GAP43: variants seen among roughly 807,000 people sequenced by gnomAD.
GAP43 encodes neuromodulin.
In GAP43, 6 loss-of-function variants were observed where a neutral mutation model predicts 18.6. The ratio of observed to expected loss-of-function variants is 0.32; its 90% CI spans 0.18 to 0.64. GAP43 has a LOEUF of 0.64. Ranked by LOEUF, GAP43 falls within the 30% of genes least tolerant of loss-of-function variation. The pLI is 0.78. For synonymous variants in GAP43, 115 were observed against 111.4 expected (o/e 1.03, Z -0.20); for missense variants, 292 against 295.5 (o/e 0.99, Z 0.09).
At chr3:115,624,035 G>C (rs1316119832) in intron 1 of GAP43, among the ~76,000 whole-genome samples, 1 of 152,032 alleles carries the variant, frequency 6.6e-6, no homozygotes, top group Admixed American at 6.6e-5. Flanking sequence ...CGTAGAAAGG[G>C]GTGTGGGGGA....
At chr3:115,703,547 G>A (rs1212185706) in intron 2 of GAP43, among the ~76,000 whole-genome samples, 1 of 152,026 alleles carries the variant, frequency 6.6e-6, no homozygotes, top group Non-Finnish European at 1.5e-5. Context: ...AATGCTAGAG[G>A]ATCTCCACAG....
At chr3:115,626,317 A>T (rs1298656861) in intron 1 of GAP43, among the ~76,000 whole-genome samples, 1 of 152,190 alleles carries the variant, frequency 6.6e-6, no homozygotes, top group Non-Finnish European at 1.5e-5. Context: ...AGGGGGGCTG[A>T]AGGGCTTGCA....
intron 2 of GAP43, among the ~76,000 whole-genome samples, chr3:115,714,603 G>GA (rs1202550888): frequency 6.6e-6 from 1 of 151,574 alleles, no homozygotes; most frequent in Non-Finnish European, 1.5e-5. Context: ...TGTTCCATTT[G>GA]AAAAATTTGT....
chr3:115,676,111 T>C lies in GAP43; in HGVS notation c.129T>C (p.Arg43=). The part of the protein sequence containing the change: ...KAATKIQASF[R]GHITRKKLKG... Reference sequence around the variant, plus strand: ...CAACCAAAATTCAGGCTAGCTTCCGTGGACACATAACAAGGAAAAAGCTCA... The same window carrying C: ...CAACCAAAATTCAGGCTAGCTTCCGCGGACACATAACAAGGAAAAAGCTCA... The change falls in exon 2 of 3, where the codon CGT becomes CGC. Residue 43 remains arginine (R), a synonymous_variant. Coordinates refer to ENST00000305124, the MANE Select transcript of GAP43 (RefSeq NM_002045.4). 6.2e-7 allele frequency: 1 copy of C among 1,614,134 alleles called. No homozygotes were observed. Among genetic ancestry groups the C allele is most frequent in the South Asian group, 1.1e-5 (1 of 91,078 alleles).
intron 2 of GAP43, among the ~76,000 whole-genome samples, chr3:115,698,125 A>G (rs1317245389): frequency 1.0e-4 from 1 of 9,602 alleles, no homozygotes; most frequent in Non-Finnish European, 5.5e-4. Flanking sequence ...AATATATATT[A>G]TATATAATAT....
At chr3:115,688,462 CTCTA>C (rs143135881) in intron 2 of GAP43, among the ~76,000 whole-genome samples, 22,576 of 152,048 alleles carry the variant, frequency 0.15, 1,928 homozygotes, top group East Asian at 0.34. Context: ...ATTTAAAAAA[CTCTA>C]TCTATACAAT....
rs1375525242 is a variant in GAP43, at chr3:115,644,702, T to A, written c.30+20983T>A. On this transcript the variant is annotated intron_variant, in intron 1 of 2. Transcript: ENST00000305124. The surrounding 1 kb of genome is among the most constrained non-coding windows in gnomAD (Gnocchi z 4.2). ...AGTGATTTATAAATAGAGAAATTTTTAAAAATGAATCTCTGAAAACATTCC... is the reference window on the plus strand; with the variant it reads ...AGTGATTTATAAATAGAGAAATTTTAAAAAATGAATCTCTGAAAACATTCC... Among the ~76,000 whole-genome samples, 1 of 152,082 alleles carries A rather than the reference T, an allele frequency of 6.6e-6. No homozygotes were observed. The highest frequency in any genetic ancestry group is 1.5e-5 in the Non-Finnish European group (1 of 67,982).
At chr3:115,645,025 C>A (rs981503292) in intron 1 of GAP43, among the ~76,000 whole-genome samples, 2 of 151,920 alleles carry the variant, frequency 1.3e-5, no homozygotes, top group Admixed American at 6.6e-5. Flanking sequence ...TTAAAATGTA[C>A]GTATTGTTGG....
intron 2 of GAP43, among the ~76,000 whole-genome samples, chr3:115,683,143 G>GCACACACACACACACA (rs1263644111): frequency 7.9e-6 from 1 of 126,044 alleles, no homozygotes; most frequent in Non-Finnish European, 1.7e-5. Context: ...GTGCGCGCGC[G>GCACACACACACACACA]CGCGCACACA....
chr3:115,647,442 C>T (rs974864417), intron 1 of GAP43, among the ~76,000 whole-genome samples: 1 of 151,850 alleles, frequency 6.6e-6, no homozygotes, highest in Non-Finnish European at 1.5e-5. Context: ...ATAACCCTCA[C>T]AAAAATAACA....
chr3:115,714,300 A>C (rs891563540), intron 2 of GAP43, among the ~76,000 whole-genome samples: 2 of 152,200 alleles, frequency 1.3e-5, no homozygotes, highest in African/African-American at 4.8e-5. Flanking sequence ...TTAACACAGA[A>C]ATGACAAAAT....
intron 2 of GAP43, among the ~76,000 whole-genome samples, chr3:115,698,107 A>T (rs1352865520): frequency 2.4e-4 from 9 of 38,252 alleles, no homozygotes; most frequent in South Asian, 7.5e-4. Context: ...ATAATATATA[A>T]AATATATAAT....
intron 2 of GAP43, among the ~76,000 whole-genome samples, chr3:115,699,244 A>T (rs1209430292): frequency 6.6e-6 from 1 of 152,176 alleles, no homozygotes; most frequent in African/African-American, 2.4e-5. Context: ...CACATGTGTG[A>T]AGTGCACGTG....
chr3:115,700,842 A>G (rs1709289247), intron 2 of GAP43, among the ~76,000 whole-genome samples: 1 of 152,164 alleles, frequency 6.6e-6, no homozygotes, highest in South Asian at 2.1e-4. Context: ...GTAATTACAC[A>G]GGATGCCTCA....
chr3:115,677,422 A>C (rs3772918), intron 2 of GAP43, among the ~76,000 whole-genome samples: 48,374 of 152,082 alleles, frequency 0.32, 9,060 homozygotes, highest in South Asian at 0.43. Flanking sequence ...CTGTAACTTG[A>C]AAGTTGGAGG....
At chr3:115,694,730 T>C (rs1421805254) in intron 2 of GAP43, among the ~76,000 whole-genome samples, 1 of 152,232 alleles carries the variant, frequency 6.6e-6, no homozygotes, top group Non-Finnish European at 1.5e-5. Context: ...TTTTTCAACA[T>C]GCGTATCCTC....
chr3:115,709,862 T>C (rs1709411821), intron 2 of GAP43, among the ~76,000 whole-genome samples: 1 of 151,620 alleles, frequency 6.6e-6, no homozygotes, highest in African/African-American at 2.4e-5. Flanking sequence ...TATATATATA[T>C]ATACACACAC....
At chr3:115,655,620 C>T (rs377037383) in intron 1 of GAP43, among the ~76,000 whole-genome samples, 7 of 152,246 alleles carry the variant, frequency 4.6e-5, no homozygotes, top group African/African-American at 1.7e-4. Context: ...GGGATTTCTC[C>T]TGAACTGGGG....
chr3:115,660,907 T>A (rs1434834031), intron 1 of GAP43, among the ~76,000 whole-genome samples: 1 of 152,170 alleles, frequency 6.6e-6, no homozygotes, highest in Non-Finnish European at 1.5e-5. Context: ...AAGAAGCCCT[T>A]TTTGTTTCTG....
Sources: gnomAD v4.1 joint callset for allele counts (sites outside exome capture counted in the v4.1 genomes callset) on GRCh38, gnomAD v4.1.1 for gene constraint, Gnocchi (gnomAD v3.1) non-coding constraint, MANE v1.5 for transcripts, NCBI Gene and HGNC (gene_info 2026-07-23, HGNC 2026-07-21) for gene names.